DUXA: variants seen among roughly 807,000 people sequenced by gnomAD.
The protein encoded by DUXA is double homeobox protein A.
DUXA carries 25 observed loss-of-function variants against 27.5 expected under a neutral mutation model. The observed-to-expected ratio is 0.91, with a 90% CI of 0.66 to 1.27. The LOEUF (loss-of-function observed/expected upper bound fraction) is 1.27, where lower values mean the gene tolerates loss of function less well. Ranked by LOEUF, DUXA falls within the 50% of genes most tolerant of loss-of-function variation. DUXA has a pLI of 0.00. For synonymous variants in DUXA, 90 were observed against 80.5 expected (o/e 1.12, Z -0.63); for missense variants, 247 against 242.9 (o/e 1.02, Z -0.11).
chr19:57,155,451 T>C (rs1434626672), intron 4 of DUXA, 79 bp from the exon 5 acceptor site: 9 of 1,178,584 alleles, frequency 7.6e-6, no homozygotes, highest in Non-Finnish European at 1.1e-5. Context: ...CTCTTTTTTC[T>C]TTTCTGTTTT....
intron 4 of DUXA, among the ~76,000 whole-genome samples, chr19:57,157,724 C>T (rs781682391): frequency 1.2e-4 from 19 of 152,062 alleles, no homozygotes; most frequent in Non-Finnish European, 2.2e-4. Flanking sequence ...GGCACGGTGG[C>T]TCAGCCCTGT....
chr19:57,155,456 T>G, intron 4 of DUXA, 84 bp from the exon 5 acceptor site: 2 of 1,151,106 alleles, frequency 1.7e-6, no homozygotes, highest in South Asian at 2.7e-5. Flanking sequence ...TTTTCTTTTC[T>G]GTTTTTTGAG....
At position 57,160,809 on chromosome 19, in the gene DUXA, T is replaced by C; in HGVS notation, c.26-12A>G. On this transcript the variant is annotated splice_polypyrimidine_tract_variant and intron_variant, in intron 1 of 5. Coordinates refer to ENST00000554048, the MANE Select transcript of DUXA (RefSeq NM_001012729.2). ...TGTTTTTACCATCTCTGTAGGAAGA[T>C]TACAAAAGAAGAAGCATGTAATAGG... 6.2e-7 allele frequency: 1 copy of C among 1,612,982 alleles called. No individual in the cohort carries two copies. The highest frequency in any genetic ancestry group is 1.3e-5 in the African/African-American group (1 of 74,978).
intron 3 of DUXA, 47 bp downstream of exon 3, chr19:57,159,120 G>T: frequency 6.5e-7 from 1 of 1,539,488 alleles, no homozygotes; most frequent in South Asian, 1.2e-5. Context: ...AGTTGGCTCC[G>T]CCGTAGAGAA....
rs1044422493 is a variant in DUXA at position 57,155,206 on chromosome 19, G to A, written c.544+61C>T. The A allele has an allele frequency of 2.4e-5, 36 of 1,474,964 alleles. No homozygotes were observed. The Middle Eastern group carries it at 5.2e-4, about 21-fold the overall frequency. 91.4% of individuals were successfully genotyped at this position (1,474,964 alleles called of 1,614,324 possible). On this transcript the variant is annotated intron_variant, in intron 5 of 5. Coordinates refer to ENST00000554048, the MANE Select transcript of DUXA (RefSeq NM_001012729.2). ...GAGGAGCTGTCGGCTCCACCATGAC[G>A]AAGCACTGGACATCCAAGGGCTCCG...
intron 1 of DUXA, 33 bp downstream of exon 1, chr19:57,167,386 A>G (rs747788433): frequency 5.6e-6 from 9 of 1,611,790 alleles, no homozygotes; most frequent in Non-Finnish European, 7.6e-6. Context: ...TCCCCAAACC[A>G]ACAAAAGCTC....
At chr19:57,166,360 A>G (rs983329908) in intron 1 of DUXA, among the ~76,000 whole-genome samples, 1 of 152,152 alleles carries the variant, frequency 6.6e-6, no homozygotes, top group African/African-American at 2.4e-5. Flanking sequence ...GCCCAGGCTG[A>G]GGTACATGGC....
chr19:57,160,680 AG>A lies in DUXA; in HGVS notation c.142del (p.Ala49LeufsTer2). The A allele has an allele frequency of 1.2e-6, 2 of 1,613,660 alleles. No homozygotes were observed. The highest frequency in any genetic ancestry group is 1.7e-6 in the Non-Finnish European group (2 of 1,180,024). On this transcript the variant is annotated frameshift_variant, in exon 2 of 6. Coordinates refer to ENST00000554048, the MANE Select transcript of DUXA (RefSeq NM_001012729.2). LOFTEE classifies it high-confidence loss of function. ...CTCTTCTGTATTGATTTCTAAAGCA[AG>A]TTTTTGTTTGGTAGCATAACCTGGG... ...PYPGYATKQK[L>X]ALEINTEESR...
rs759324672 is a variant in DUXA at position 57,155,338 on chromosome 19, AGAAG to A, written c.469_472del (p.Leu157SerfsTer11). On this transcript the variant is annotated frameshift_variant, in exon 5 of 6. Coordinates refer to ENST00000554048, the MANE Select transcript of DUXA (RefSeq NM_001012729.2). LOFTEE classifies it high-confidence loss of function. ...CGCCACAGGTTCCCTTTTTCTCTGG[AGAAG>A]TAATCTAGATCTTCGATTTTGGAAC... The A allele has an allele frequency of 6.2e-7, 1 of 1,614,162 alleles. No individual in the cohort carries two copies. The highest frequency in any genetic ancestry group is 8.5e-7 in the Non-Finnish European group (1 of 1,180,020).
chr19:57,167,287 C>T lies in DUXA; in HGVS notation c.25+132G>A, dbSNP rs143183488. On this transcript the variant is annotated intron_variant, in intron 1 of 5. Transcript: ENST00000554048. ...TTTCATAATATCACATCAGAGAAAC[C>T]GGTTTTCCCCTATCCAGATACAGTT... 451 of 1,112,390 alleles carry T rather than the reference C, an allele frequency of 4.1e-4. 2 individuals are homozygous for T. In the East Asian group the frequency reaches 8.3e-3, roughly 21 times the overall value. The allele number at this position is 1,112,390 out of a possible 1,614,324, so 68.9% of individuals were successfully genotyped here.
In DUXA at chr19:57,160,973, T is replaced by TA. The variant is rs1408255373; in HGVS notation, c.26-177_26-176insT. Among the ~76,000 whole-genome samples the TA allele has an allele frequency of 5.3e-5, 8 of 152,200 alleles. No individual in the cohort carries two copies. The East Asian group carries it at 1.5e-3, about 29-fold the overall frequency. On this transcript the variant is annotated intron_variant, in intron 1 of 5. Transcript: ENST00000554048. ...ACACAATGGCGATTTTTCAACTTCTTTAGCTCATCTGAATGCCATACTAAG... is the reference window on the plus strand; with the variant it reads ...ACACAATGGCGATTTTTCAACTTCTTATAGCTCATCTGAATGCCATACTAAG...
In DUXA at chr19:57,154,198, G is replaced by A. The variant is rs1044657682; in HGVS notation, c.*214C>T. 5.9e-6 allele frequency: 3 copies of A among 505,194 alleles called. No homozygotes were observed. Among genetic ancestry groups the A allele is most frequent in the African/African-American group, 5.9e-5 (3 of 51,164 alleles). The allele number at this position is 505,194 out of a possible 1,614,324, so 31.3% of individuals were successfully genotyped here. A position where few individuals can be genotyped will look rare whatever the true frequency, so the allele number is the denominator to read the frequency against. ...GCAGAGTCTTGCTATATGTTGTCCA[G>A]GCTGGTTTCAAACTCCTGAGCTCAA... On this transcript the variant is annotated 3_prime_UTR_variant, in exon 6 of 6. Transcript: ENST00000554048.
rs2087002606 is a variant in DUXA, at chr19:57,158,355, T to A, written c.411A>T (p.Glu137Asp). ...GIDSREELAK[E>D]IGVPESRVQI... ...GGACTCTTGACTCTGGAACACCGAT[T>A]TCTTTAGCAAGTTCTTCTCTGGAAT... The change falls in exon 4 of 6, where the codon GAA becomes GAT. Residue 137 changes from glutamate to aspartate, a missense_variant. Coordinates refer to ENST00000554048, the MANE Select transcript of DUXA (RefSeq NM_001012729.2). 2 of 1,612,172 alleles carry A rather than the reference T, an allele frequency of 1.2e-6. No homozygotes were observed. The highest frequency in any genetic ancestry group is 1.7e-6 in the Non-Finnish European group (2 of 1,179,916).
Position 57,154,188 on chromosome 19 carries a change from A to T in DUXA, c.*224T>A. On this transcript the variant is annotated 3_prime_UTR_variant, in exon 6 of 6. Transcript: ENST00000554048. The stretch of plus-strand genomic sequence containing the variant: ...TATAATAGAGGCAGAGTCTTGCTAT[A>T]TGTTGTCCAGGCTGGTTTCAAACTC... 8.2e-6 allele frequency: 4 copies of T among 486,046 alleles called. No individual in the cohort carries two copies. Among genetic ancestry groups the T allele is most frequent in the Non-Finnish European group, 1.5e-5 (4 of 267,014 alleles). The allele number at this position is 486,046 out of a possible 1,614,324, so 30.1% of individuals were successfully genotyped here.
intron 1 of DUXA, among the ~76,000 whole-genome samples, chr19:57,166,361 G>A (rs907807623): frequency 6.6e-6 from 1 of 152,172 alleles, no homozygotes; most frequent in African/African-American, 2.4e-5. Context: ...CCCAGGCTGA[G>A]GTACATGGCA....
Position 57,159,201 on chromosome 19 carries a change from G to T in DUXA, c.258C>A (p.Ser86Arg). The T allele has an allele frequency of 6.2e-7, 1 of 1,614,112 alleles. No individual in the cohort carries two copies. Among genetic ancestry groups the T allele is most frequent in the African/African-American group, 1.3e-5 (1 of 75,020 alleles). Residue 86 changes from serine (S) to arginine (R), a missense_variant, in exon 3 of 6, where the codon AGC becomes AGA. Ser to Arg is a moderately radical substitution (Grantham distance 110). Transcript: ENST00000554048. ...PEAETLESSQ[S>R]QGQDQPGVEF... ...CCACACCAGGTTGATCTTGCCCCTGGCTCTGGCTTGATTCTAAAGTCTCAG... is the reference window on the plus strand; with the variant it reads ...CCACACCAGGTTGATCTTGCCCCTGTCTCTGGCTTGATTCTAAAGTCTCAG...
At chr19:57,160,597 C>G in intron 2 of DUXA, 46 bp downstream of exon 2, 1 of 1,602,914 alleles carries the variant, frequency 6.2e-7, no homozygotes, top group South Asian at 1.1e-5. Context: ...GGTTCTCTCT[C>G]CTGCCTTTTT....
chr19:57,160,584 A>G, intron 2 of DUXA, 59 bp downstream of exon 2: 1 of 1,588,930 alleles, frequency 6.3e-7, no homozygotes, highest in South Asian at 1.1e-5. Context: ...GGGCTCCGTT[A>G]ATGGTTCTCT....
Position 57,155,428 on chromosome 19 carries a change from T to C in DUXA, c.439-56A>G, listed in dbSNP as rs2086988013. On this transcript the variant is annotated intron_variant, in intron 4 of 5. Coordinates refer to ENST00000554048, the MANE Select transcript of DUXA (RefSeq NM_001012729.2). Reference sequence around the variant, plus strand: ...AACAAAGAATGTTGTGTAAAACTCATGATTGCTTTCTTCTCTTTTTTCTTT... The same window carrying C: ...AACAAAGAATGTTGTGTAAAACTCACGATTGCTTTCTTCTCTTTTTTCTTT... The C allele has an allele frequency of 2.2e-6, 3 of 1,351,042 alleles. No individual in the cohort carries two copies. The Admixed American group carries it at 5.5e-5, about 25-fold the overall frequency. 83.7% of individuals were successfully genotyped at this position (1,351,042 alleles called of 1,614,324 possible).
Sources: allele counts gnomAD v4.1 joint callset (sites outside exome capture counted in the v4.1 genomes callset), GRCh38; gene constraint gnomAD v4.1.1; transcripts MANE v1.5; gene names NCBI Gene and HGNC (gene_info 2026-07-23, HGNC 2026-07-21).